Variants in SLCO2A1 observed in about 807,000 individuals in gnomAD.
SLCO2A1 encodes matrin F/G 1.
Under a neutral mutation model 71.7 loss-of-function variants are expected in SLCO2A1, and 60 were observed. The observed-to-expected ratio is 0.84, with a 90% confidence interval of 0.68 to 1.04. SLCO2A1 has a LOEUF of 1.04. Among genes scored for constraint, SLCO2A1 ranks in the 50% least tolerant of loss-of-function variants. SLCO2A1 has a pLI of 0.00. For synonymous variants in SLCO2A1, 308 were observed against 326.7 expected, an observed-to-expected ratio of 0.94 and a Z score of 0.62; for missense variants, 745 against 813.4, an observed-to-expected ratio of 0.92 and a Z score of 1.02.
At chr3:133,956,901 T>A (rs1163846811) in intron 3 of SLCO2A1, among the ~76,000 whole-genome samples, 1 of 152,224 alleles carries the variant, frequency 6.6e-6, no homozygotes, top group African/African-American at 2.4e-5. Flanking sequence ...ATTGTGCTGA[T>A]CTTTTTTTAT....
intron 3 of SLCO2A1, 181 bp from the exon 4 acceptor site, chr3:133,955,374 C>G: frequency 1.7e-6 from 1 of 590,762 alleles, no homozygotes; most frequent in East Asian, 2.8e-5. Flanking sequence ...GCAGGAGGGA[C>G]TCTAGAAACA....
At chr3:133,985,159 C>G (rs1309603607) in intron 1 of SLCO2A1, among the ~76,000 whole-genome samples, 1 of 152,222 alleles carries the variant, frequency 6.6e-6, no homozygotes, top group South Asian at 2.1e-4. Flanking sequence ...GTTACCAGAA[C>G]ATCACTTGCT....
At chr3:133,946,679 C>A (rs529834298) in intron 9 of SLCO2A1, among the ~76,000 whole-genome samples, 1 of 152,298 alleles carries the variant, frequency 6.6e-6, no homozygotes, top group East Asian at 1.9e-4. Flanking sequence ...ATCCTGAAAT[C>A]AAACAAATTA....
At chr3:134,024,001 T>G (rs1935648548) in intron 1 of SLCO2A1, among the ~76,000 whole-genome samples, 1 of 152,260 alleles carries the variant, frequency 6.6e-6, no homozygotes, top group Non-Finnish European at 1.5e-5. Flanking sequence ...AGTCACTTCA[T>G]GTCTCTCATG....
At position 133,947,429 on chromosome 3, in the gene SLCO2A1, A is replaced by T; in HGVS notation, c.1122T>A (p.Pro374=). Residue 374 remains proline (P), a synonymous_variant, in exon 9 of 14, where the codon CCT becomes CCA. Transcript: ENST00000310926. ...ANFLIGAVNL[P]AAALGMLFGG... is the part of the protein sequence containing the mutation. ...CAAACAGCATCCCCAAGGCTGCAGC[A>T]GGGAGGTTCACAGCACCTATAAGTG... The T allele has an allele frequency of 6.2e-7, 1 of 1,613,536 alleles. No individual in the cohort carries two copies. The highest frequency in any genetic ancestry group is 8.5e-7 in the Non-Finnish European group (1 of 1,179,778).
At chr3:133,943,454 A>G (rs1163647397) in intron 10 of SLCO2A1, among the ~76,000 whole-genome samples, 1 of 152,216 alleles carries the variant, frequency 6.6e-6, no homozygotes, top group Non-Finnish European at 1.5e-5. Flanking sequence ...TAATATTGGA[A>G]CTAAGGGACT....
chr3:133,995,289 C>T (rs1478112846), intron 1 of SLCO2A1, among the ~76,000 whole-genome samples: 2 of 152,156 alleles, frequency 1.3e-5, no homozygotes, highest in Non-Finnish European at 2.9e-5. Context: ...TGTCACAGCC[C>T]TGTAAAAACC....
chr3:133,948,426 A>C (rs1576429257), intron 8 of SLCO2A1, 110 bp downstream of exon 8: 2 of 1,145,150 alleles, frequency 1.7e-6, no homozygotes, highest in South Asian at 3.2e-5. Context: ...CCTCCTCCGG[A>C]CCCTGCCTAT....
At chr3:133,950,206 G>A (rs1183574162) in intron 6 of SLCO2A1, among the ~76,000 whole-genome samples, 2 of 152,120 alleles carry the variant, frequency 1.3e-5, no homozygotes, top group Non-Finnish European at 2.9e-5. Flanking sequence ...CCTGACCCCA[G>A]CACCTGCATG....
In SLCO2A1 at chr3:133,934,838, CAGG is replaced by C. The variant is rs765678581; in HGVS notation, c.1815-11_1815-9del. ...ATCTGCAGGCCCAGGTACCTGTGGG[CAGG>C]AGGAGGCAGGACTGGTGAGGGAGGG... On this transcript the variant is annotated splice_polypyrimidine_tract_variant and intron_variant, in intron 13 of 13. Transcript: ENST00000310926. The C allele has an allele frequency of 8.1e-6, 13 of 1,603,140 alleles. No homozygotes were observed. The East Asian group carries it at 2.9e-4, about 36-fold the overall frequency.
At chr3:133,942,989 TCTGGG>T (rs1216833176) in intron 10 of SLCO2A1, among the ~76,000 whole-genome samples, 3 of 152,100 alleles carry the variant, frequency 2.0e-5, no homozygotes, top group African/African-American at 7.2e-5. Flanking sequence ...GAAACCATCT[TCTGGG>T]CTGGGCTGGG....
intron 1 of SLCO2A1, among the ~76,000 whole-genome samples, chr3:134,008,047 C>A (rs779324242): frequency 1.3e-5 from 2 of 152,148 alleles, no homozygotes; most frequent in Non-Finnish European, 2.9e-5. Flanking sequence ...TCATCTTACC[C>A]CACCTAACCA....
chr3:133,948,881 A>T lies in SLCO2A1; in HGVS notation c.940+12T>A. On this transcript the variant is annotated intron_variant, in intron 7 of 13. Coordinates refer to ENST00000310926, the MANE Select transcript of SLCO2A1 (RefSeq NM_005630.3). ...ACTGTGCCAGCCCACCCAGGGCTGT[A>T]GGGTCAGTTACGTTTAATGAAATCC... 2 of 1,612,436 alleles carry T rather than the reference A, an allele frequency of 1.2e-6. No homozygotes were observed. The highest frequency in any genetic ancestry group is 1.7e-6 in the Non-Finnish European group (2 of 1,178,492).
Position 133,979,481 on chromosome 3 carries a change from C to T in SLCO2A1, c.234G>A (p.Glu78=), listed in dbSNP as rs545492175. Residue 78 remains glutamate (E), a splice_region_variant and synonymous_variant, in exon 2 of 14, where the codon GAG becomes GAA. Coordinates refer to ENST00000310926, the MANE Select transcript of SLCO2A1 (RefSeq NM_005630.3). ...SSSGLISSLN[E]ISNAILIIFV... ...TGATGGACCAGAACCTCCTGCTCAC[C>T]TCATTCAAGCTGGAAATGAGACCCG... is the stretch of plus-strand genomic sequence containing the variant. The T allele has an allele frequency of 1.1e-5, 18 of 1,614,204 alleles. No homozygotes were observed. The South Asian group carries it at 1.9e-4, about 17-fold the overall frequency.
Position 133,953,762 on chromosome 3 carries a change from C to T in SLCO2A1, c.626-1G>A. The T allele has an allele frequency of 6.2e-7, 1 of 1,613,486 alleles. No individual in the cohort carries two copies. The highest frequency in any genetic ancestry group is 8.5e-7 in the Non-Finnish European group (1 of 1,179,516). The stretch of plus-strand genomic sequence containing the variant: ...AATACAGAGATGGCAAATAAGATGG[C>T]TGGAAAAGGAAGTAAGGGGAAGGAG... On this transcript the variant is annotated splice_acceptor_variant, in intron 4 of 13. Transcript: ENST00000310926. LOFTEE classifies it high-confidence loss of function.
At chr3:134,003,594 T>A (rs1365214581) in intron 1 of SLCO2A1, among the ~76,000 whole-genome samples, 1 of 152,200 alleles carries the variant, frequency 6.6e-6, no homozygotes, top group Non-Finnish European at 1.5e-5. Flanking sequence ...GCTCCCTGCA[T>A]CCTCCATTTG....
chr3:133,995,442 C>T (rs1417783985), intron 1 of SLCO2A1, among the ~76,000 whole-genome samples: 5 of 152,190 alleles, frequency 3.3e-5, no homozygotes, highest in African/African-American at 1.2e-4. Flanking sequence ...CAGTAGAAAT[C>T]TGTAGCTGAG....
intron 12 of SLCO2A1, 101 bp from the exon 13 acceptor site, chr3:133,935,998 G>A (rs1000663189): frequency 6.9e-5 from 88 of 1,276,990 alleles, no homozygotes; most frequent in Non-Finnish European, 8.5e-5. Context: ...ACATACATGA[G>A]AACGGCTCTG....
chr3:133,960,018 G>A (rs959287424), intron 3 of SLCO2A1, among the ~76,000 whole-genome samples: 2 of 152,130 alleles, frequency 1.3e-5, no homozygotes, highest in Non-Finnish European at 2.9e-5. Flanking sequence ...TACTCGGGAG[G>A]CTGAGGCAGG....
Sources: allele counts gnomAD v4.1 joint callset (sites outside exome capture counted in the v4.1 genomes callset), GRCh38; gene constraint gnomAD v4.1.1; transcripts MANE v1.5; gene names NCBI Gene and HGNC (gene_info 2026-07-23, HGNC 2026-07-21).